Variants in ATG16L1 observed in about 807,000 individuals in gnomAD.
The protein encoded by ATG16L1 is autophagy related 16 like 1.
A neutral mutation model predicts 88.5 loss-of-function variants in ATG16L1; 37 were observed. That is an observed-to-expected ratio of 0.42 (90% CI 0.32 to 0.55). The LOEUF is 0.55. Ranked by LOEUF, ATG16L1 falls within the 20% of genes least tolerant of loss-of-function variation. ATG16L1 has a pLI of 0.13. For missense variants in ATG16L1, 554 were observed against 752.8 expected (o/e 0.74, Z 3.09); for synonymous variants, 301 against 281.0 (o/e 1.07, Z -0.71).
Position 233,263,974 on chromosome 2 carries a change from T to G in ATG16L1, c.316-18T>G. 1 of 1,612,660 alleles carries G rather than the reference T, an allele frequency of 6.2e-7. No individual in the cohort carries two copies. Among genetic ancestry groups the G allele is most frequent in the Non-Finnish European group, 8.5e-7 (1 of 1,179,214 alleles). On this transcript the variant is annotated intron_variant, in intron 3 of 17. Transcript: ENST00000392017. ...CCTAAAATTTTTATTTATGAAAGTA[T>G]TCTTCTTTATCTCCCAGTTAGCTCA...
chr2:233,276,047 G>C (rs759831822), intron 9 of ATG16L1: 7 of 494,252 alleles, frequency 1.4e-5, no homozygotes. Context: ...AAATTTCATG[G>C]GGGTAAAAGG....
At chr2:233,285,427 A>G (rs778806154) in intron 12 of ATG16L1, among the ~76,000 whole-genome samples, 45 of 152,242 alleles carry the variant, frequency 3.0e-4, no homozygotes, top group Non-Finnish European at 5.3e-4. Context: ...AGACTGACAG[A>G]TGAAGGTCAT....
chr2:233,288,953 T>G, intron 12 of ATG16L1: 1 of 513,658 alleles, frequency 1.9e-6, no homozygotes, highest in South Asian at 1.4e-5. Flanking sequence ...TGATTGAAAA[T>G]CCCCCAGGGG....
In ATG16L1 at chr2:233,265,151, A is replaced by C. The variant is rs763077596; in HGVS notation, c.641+8A>C. On this transcript the variant is annotated splice_region_variant and intron_variant, in intron 5 of 17. Coordinates refer to ENST00000392017, the MANE Select transcript of ATG16L1 (RefSeq NM_030803.7). ...GAATGAAAAAGACTCCAGGTGGGCTATCAATCCACAGTTAGTGGTTTCCAT... is the reference window on the plus strand; with the variant it reads ...GAATGAAAAAGACTCCAGGTGGGCTCTCAATCCACAGTTAGTGGTTTCCAT... 1.2e-6 allele frequency: 2 copies of C among 1,613,570 alleles called. No homozygotes were observed. Among genetic ancestry groups the C allele is most frequent in the African/African-American group, 2.7e-5 (2 of 74,822 alleles).
chr2:233,282,591 C>G, intron 11 of ATG16L1, 91 bp from the exon 12 acceptor site: 1 of 1,175,990 alleles, frequency 8.5e-7, no homozygotes. Context: ...TCTAAACCTT[C>G]TTGTACTTGA....
At chr2:233,259,936 C>T (rs879661159) in intron 2 of ATG16L1, among the ~76,000 whole-genome samples, 2 of 152,120 alleles carry the variant, frequency 1.3e-5, no homozygotes, top group South Asian at 2.1e-4. Flanking sequence ...CTCCTGTGAC[C>T]GTAGTGTGGG....
intron 5 of ATG16L1, 40 bp downstream of exon 5, chr2:233,265,183 T>A (rs1697480711): frequency 6.2e-7 from 1 of 1,608,034 alleles, no homozygotes; most frequent in African/African-American, 1.3e-5. Context: ...CCATCCTTAG[T>A]AGAGTAGAAC....
chr2:233,253,343 T>TG (rs1553602862), intron 1 of ATG16L1, among the ~76,000 whole-genome samples: 2 of 129,476 alleles, frequency 1.5e-5, no homozygotes, highest in Admixed American at 1.5e-4. Flanking sequence ...TTTTTTTGTT[T>TG]TTTTTTTTTT....
chr2:233,290,148 G>A (rs911319108), intron 13 of ATG16L1, 100 bp from the exon 14 acceptor site: 1 of 1,507,588 alleles, frequency 6.6e-7, no homozygotes, highest in African/African-American at 1.4e-5. Flanking sequence ...CTTCATTTAA[G>A]TGAGTAACTC....
intron 12 of ATG16L1, among the ~76,000 whole-genome samples, chr2:233,287,975 CATT>C (rs1210533959): frequency 6.6e-6 from 1 of 152,136 alleles, no homozygotes; most frequent in Non-Finnish European, 1.5e-5. Flanking sequence ...TGAATGGAAT[CATT>C]ATTCATGGAC....
At chr2:233,283,290 G>A (rs1698838034) in intron 12 of ATG16L1, among the ~76,000 whole-genome samples, 1 of 152,046 alleles carries the variant, frequency 6.6e-6, no homozygotes, top group South Asian at 2.1e-4. Flanking sequence ...CCAAAACTTG[G>A]TTGTATCATT....
In ATG16L1 at chr2:233,293,632, C is replaced by T. The variant is rs543927225; in HGVS notation, c.1730+275C>T. ...ATCCCTGACTCTTTGGTTATGTCCACGTCCTCTGTGTCTCCTTCCCCTTCC... is the reference window on the plus strand; with the variant it reads ...ATCCCTGACTCTTTGGTTATGTCCATGTCCTCTGTGTCTCCTTCCCCTTCC... On this transcript the variant is annotated intron_variant, in intron 17 of 17. Coordinates refer to ENST00000392017, the MANE Select transcript of ATG16L1 (RefSeq NM_030803.7). Among the ~76,000 whole-genome samples the T allele has an allele frequency of 2.1e-5, 3 of 141,988 alleles. No individual in the cohort carries two copies. The South Asian group carries it at 6.9e-4, about 33-fold the overall frequency. 93.1% of individuals were successfully genotyped at this position (141,988 alleles called of 152,430 possible). A position where few individuals can be genotyped will look rare whatever the true frequency, so the allele number is the denominator to read the frequency against.
At chr2:233,279,966 A>C (rs1332113147) in intron 10 of ATG16L1, among the ~76,000 whole-genome samples, 1 of 152,208 alleles carries the variant, frequency 6.6e-6, no homozygotes, top group Non-Finnish European at 1.5e-5. Context: ...ATCTGTGAAG[A>C]TTTCATCTAA....
chr2:233,282,096 G>A (rs1181658980), intron 11 of ATG16L1, among the ~76,000 whole-genome samples: 3 of 152,314 alleles, frequency 2.0e-5, no homozygotes, highest in Admixed American at 6.5e-5. Flanking sequence ...TTAGACTTTT[G>A]TAAAGCCATG....
At chr2:233,293,403 C>T in intron 17 of ATG16L1, 46 bp downstream of exon 17, 9 of 1,531,280 alleles carry the variant, frequency 5.9e-6, no homozygotes, top group Non-Finnish European at 7.2e-6. Context: ...GTGAGCAAGG[C>T]CTTTGACTTC....
chr2:233,252,749 A>G (rs1696468612), intron 1 of ATG16L1, among the ~76,000 whole-genome samples: 1 of 152,020 alleles, frequency 6.6e-6, no homozygotes, highest in Admixed American at 6.6e-5. Flanking sequence ...TGTTACTGAA[A>G]TCTTCAGTAT....
rs539602004 is a variant in ATG16L1 at position 233,277,290 on chromosome 2, G to A, written c.955-278G>A. 33 of 293,984 alleles carry A rather than the reference G, an allele frequency of 1.1e-4. No individual in the cohort carries two copies. In the South Asian group the frequency reaches 1.5e-3, roughly 13 times the overall value. 18.2% of individuals were successfully genotyped at this position (293,984 alleles called of 1,614,324 possible). On this transcript the variant is annotated intron_variant, in intron 9 of 17. Coordinates refer to ENST00000392017, the MANE Select transcript of ATG16L1 (RefSeq NM_030803.7). ...AATATAGGCCATTATTGTTAGAACAGATGAAATTAATGCAAGGACCAACTT... is the reference window on the plus strand; with the variant it reads ...AATATAGGCCATTATTGTTAGAACAAATGAAATTAATGCAAGGACCAACTT...
Position 233,270,041 on chromosome 2 carries a change from A to C in ATG16L1, c.681A>C (p.Ala227=). 6.3e-7 allele frequency: 1 copy of C among 1,590,674 alleles called. No individual in the cohort carries two copies. Among genetic ancestry groups the C allele is most frequent in the Non-Finnish European group, 8.5e-7 (1 of 1,171,440 alleles). The change falls in exon 6 of 18, where the codon GCA becomes GCC. Residue 227 remains alanine (A), a synonymous_variant. Coordinates refer to ENST00000392017, the MANE Select transcript of ATG16L1 (RefSeq NM_030803.7). ...QARLQKELAE[A]AKEPLPVEQD... Reference sequence around the variant, plus strand: ...GGCTGCAGAAAGAGCTTGCAGAAGCAGCAAAGGAACCTCTACCAGTCGAAC... The same window carrying C: ...GGCTGCAGAAAGAGCTTGCAGAAGCCGCAAAGGAACCTCTACCAGTCGAAC...
intron 14 of ATG16L1, among the ~76,000 whole-genome samples, chr2:233,291,872 G>A (rs912192754): frequency 6.6e-6 from 1 of 152,216 alleles, no homozygotes; most frequent in Non-Finnish European, 1.5e-5. Flanking sequence ...ACCGATGGGC[G>A]ATTGTTGTCA....
Sources: gnomAD v4.1 joint callset for allele counts (sites outside exome capture counted in the v4.1 genomes callset) on GRCh38, gnomAD v4.1.1 for gene constraint, MANE v1.5 for transcripts, NCBI Gene and HGNC (gene_info 2026-07-23, HGNC 2026-07-21) for gene names.